The following NHS variants were observed in gnomAD, a reference collection of about 807,000 sequenced individuals.
The protein encoded by NHS is actin remodeling regulator NHS.
A neutral mutation model predicts 72.5 loss-of-function variants in NHS; 5 were observed. The observed-to-expected ratio is 0.07, with a 90% CI of 0.04 to 0.14. The LOEUF (loss-of-function observed/expected upper bound fraction) is 0.14, where lower values mean the gene tolerates loss of function less well. Among genes scored for constraint, NHS ranks in the 10% least tolerant of loss-of-function variants. NHS has a pLI of 1.00. For synonymous variants in NHS, 464 were observed against 547.7 expected (o/e 0.85, Z 2.13); for missense variants, 1,072 against 1,355.7 (o/e 0.79, Z 3.29).
At chrX:17,597,202 C>T (rs1050279305) in intron 1 of NHS, among the ~76,000 whole-genome samples, 1 of 104,555 alleles carries the variant, frequency 9.6e-6, no homozygotes. Flanking sequence ...TCAGTGCAAG[C>T]TCCGCCTCCC....
rs769007367 is a variant in NHS at position 17,412,103 on chromosome X, TAGTG to T, written c.565+35784_565+35787del. On this transcript the variant is annotated intron_variant, in intron 1 of 8. Transcript: ENST00000676302. Reference sequence around the variant, plus strand: ...GTTAAGTGTATCTTTTCATATGAAATAGTGAGAAAAGCCTTGTGCATATATGAAG... The same window carrying T: ...GTTAAGTGTATCTTTTCATATGAAATAGAAAAGCCTTGTGCATATATGAAG... 1.1e-4 allele frequency among the ~76,000 whole-genome samples: 12 copies of T among 110,219 alleles called. No homozygotes were observed. In the South Asian group the frequency reaches 4.2e-3, roughly 39 times the overall value.
At chrX:17,412,011 T>G (rs2064561946) in intron 1 of NHS, among the ~76,000 whole-genome samples, 1 of 111,051 alleles carries the variant, frequency 9.0e-6, no homozygotes, top group Admixed American at 9.6e-5. Flanking sequence ...ATTATTTATA[T>G]AGCTCCCTGA....
chrX:17,413,843 A>G (rs1282887303), intron 1 of NHS, among the ~76,000 whole-genome samples: 1 of 112,185 alleles, frequency 8.9e-6, no homozygotes, highest in Admixed American at 9.4e-5. Context: ...TTGAATCAGC[A>G]TGCTGGGGCA....
intron 1 of NHS, among the ~76,000 whole-genome samples, chrX:17,507,061 T>C (rs760282615): frequency 8.9e-6 from 1 of 112,570 alleles, no homozygotes. Flanking sequence ...AGTTGACAGA[T>C]TTTTTTCCAG....
intron 1 of NHS, 109 bp from the exon 2 acceptor site, chrX:17,687,633 G>T (rs1298953282): frequency 2.2e-6 from 2 of 903,899 alleles, no homozygotes; most frequent in Admixed American, 2.2e-5. Flanking sequence ...CAGTAGTCTG[G>T]ACTTCCACTC....
chrX:17,442,123 C>T (rs2064758392), intron 1 of NHS, among the ~76,000 whole-genome samples: 1 of 112,223 alleles, frequency 8.9e-6, no homozygotes, highest in African/African-American at 3.2e-5. Context: ...TTGTAAGTGG[C>T]AAGATAAAGG....
intron 2 of NHS, among the ~76,000 whole-genome samples, chrX:17,692,069 TAA>T (rs761646917): frequency 1.8e-5 from 2 of 111,773 alleles, no homozygotes; most frequent in African/African-American, 3.3e-5. Flanking sequence ...TGTTTTGAAA[TAA>T]GTCACACTGA....
intron 1 of NHS, among the ~76,000 whole-genome samples, chrX:17,470,480 C>G (rs2064887737): frequency 8.9e-6 from 1 of 111,884 alleles, no homozygotes; most frequent in African/African-American, 3.3e-5. Context: ...AAGTTCATTT[C>G]AAAGCAGAAT....
chrX:17,663,311 C>T (rs749347032), intron 1 of NHS, among the ~76,000 whole-genome samples: 5 of 111,695 alleles, frequency 4.5e-5, no homozygotes, highest in Non-Finnish European at 7.5e-5. Context: ...TTGACATATA[C>T]ATCCATGTAA....
intron 1 of NHS, among the ~76,000 whole-genome samples, chrX:17,611,996 C>T (rs1006683261): frequency 9.0e-6 from 1 of 110,581 alleles, no homozygotes. Context: ...AAATTCATTA[C>T]TGCACCTCAC....
chrX:17,706,490 AAC>A (rs200289537), intron 3 of NHS, among the ~76,000 whole-genome samples: 15,467 of 97,404 alleles, frequency 0.16, 1,937 homozygotes, highest in African/African-American at 0.4. Flanking sequence ...TCAAAATAGA[AAC>A]ACACACACAC....
At chrX:17,556,686 C>T (rs1367907445) in intron 1 of NHS, among the ~76,000 whole-genome samples, 1 of 112,539 alleles carries the variant, frequency 8.9e-6, no homozygotes, top group Non-Finnish European at 1.9e-5. Flanking sequence ...CCAGGGCTGT[C>T]TGACTCAGAT....
At chrX:17,482,987 G>A (rs1291621187) in intron 1 of NHS, among the ~76,000 whole-genome samples, 1 of 111,203 alleles carries the variant, frequency 9.0e-6, no homozygotes, top group East Asian at 2.8e-4. Context: ...ACGGAGCTGA[G>A]ACTTTTCCAG....
At chrX:17,545,016 C>T (rs982643248) in intron 1 of NHS, among the ~76,000 whole-genome samples, 2 of 112,476 alleles carry the variant, frequency 1.8e-5, no homozygotes, top group African/African-American at 6.5e-5. Context: ...ACTCCATTTT[C>T]AGGATGGAAG....
At chrX:17,633,595 C>G (rs959772876) in intron 1 of NHS, among the ~76,000 whole-genome samples, 3 of 112,230 alleles carry the variant, frequency 2.7e-5, no homozygotes, top group African/African-American at 9.7e-5. Context: ...GATGCAGGGC[C>G]TTCTTTCTTC....
intron 1 of NHS, among the ~76,000 whole-genome samples, chrX:17,489,549 A>G (rs1361542409): frequency 8.9e-6 from 1 of 111,956 alleles, no homozygotes; most frequent in East Asian, 2.8e-4. Context: ...GTGCAATGGC[A>G]CTATCTCAGC....
intron 3 of NHS, among the ~76,000 whole-genome samples, chrX:17,718,471 GAAGGAAGA>G (rs2066379128): frequency 1.1e-5 from 1 of 93,967 alleles, no homozygotes; most frequent in African/African-American, 4.0e-5. Flanking sequence ...AAGAAGGAGA[GAAGGAAGA>G]AAGGAAGGAA....
chrX:17,591,932 G>A (rs980361348), intron 1 of NHS, among the ~76,000 whole-genome samples: 14 of 111,271 alleles, frequency 1.3e-4, no homozygotes, highest in African/African-American at 3.6e-4. Context: ...TCTGACTCTC[G>A]TGGTTCCTGG....
chrX:17,540,567 C>A (rs1187629535), intron 1 of NHS, among the ~76,000 whole-genome samples: 1 of 112,013 alleles, frequency 8.9e-6, no homozygotes, highest in Non-Finnish European at 1.9e-5. Flanking sequence ...GCCAAAACTA[C>A]TAGGCATCTG....
Sources: gnomAD v4.1 joint callset for allele counts (sites outside exome capture counted in the v4.1 genomes callset) on GRCh38, gnomAD v4.1.1 for gene constraint, MANE v1.5 for transcripts, NCBI Gene and HGNC (gene_info 2026-07-23, HGNC 2026-07-21) for gene names.